Variants in GZMA observed in about 807,000 individuals in gnomAD.
GZMA encodes the protein granzyme A.
In GZMA, 17 loss-of-function variants were observed where a neutral mutation model predicts 21.1. That is an observed-to-expected ratio of 0.81 (90% CI 0.55 to 1.21). GZMA has a LOEUF of 1.21. GZMA is among the 50% of genes most tolerant of loss of function. The pLI is 0.00. For missense variants in GZMA, 306 were observed against 315.9 expected (o/e 0.97, Z 0.24); for synonymous variants, 90 against 107.8 (o/e 0.83, Z 1.03).
At chr5:55,109,728 C>T (rs1336697195) in intron 4 of GZMA, among the ~76,000 whole-genome samples, 2 of 152,258 alleles carry the variant, frequency 1.3e-5, no homozygotes, top group South Asian at 2.1e-4. Flanking sequence ...TTTGAGAAAA[C>T]GACAAATAAA....
chr5:55,109,996 C>T (rs746926126), intron 4 of GZMA, 25 bp from the exon 5 acceptor site: 2 of 1,566,640 alleles, frequency 1.3e-6, no homozygotes, highest in Admixed American at 3.8e-5. Context: ...TGACCCCACA[C>T]CCTACCCCTC....
At chr5:55,107,153 T>C (rs1427675188) in intron 2 of GZMA, among the ~76,000 whole-genome samples, 2 of 152,154 alleles carry the variant, frequency 1.3e-5, no homozygotes, top group African/African-American at 2.4e-5. Flanking sequence ...TTATGAATGA[T>C]AGCCTTAATC....
In GZMA at chr5:55,105,678, A is replaced by C. The variant is rs1204971456; in HGVS notation, c.215+60A>C. 6 of 1,467,672 alleles carry C rather than the reference A, an allele frequency of 4.1e-6. No individual in the cohort carries two copies. The African/African-American group carries it at 8.4e-5, about 20-fold the overall frequency. 90.9% of individuals were successfully genotyped at this position (1,467,672 alleles called of 1,614,324 possible). A position where few individuals can be genotyped will look rare whatever the true frequency, so the allele number is the denominator to read the frequency against. ...AGATACTCTAATTTGGGGAAACATT[A>C]ATAAAAAGAGTAGGCCGGGCACAGT... On this transcript the variant is annotated intron_variant, in intron 2 of 4. Transcript: ENST00000274306.
Position 55,108,227 on chromosome 5 carries a change from G to C in GZMA, c.460G>C (p.Gly154Arg). The change falls in exon 4 of 5, where the codon GGC (glycine) becomes CGC (arginine). Residue 154 changes from glycine to arginine, a missense_variant. Transcript: ENST00000274306. ...PGTMCQVAGW[G>R]RTHNSASWSD... ...AACCATGTGCCAAGTTGCAGGGTGG[G>C]GCAGGACTCACAATAGTGCATCTTG... 6.2e-7 allele frequency: 1 copy of C among 1,613,750 alleles called. No individual in the cohort carries two copies. The highest frequency in any genetic ancestry group is 8.5e-7 in the Non-Finnish European group (1 of 1,179,748).
In GZMA at chr5:55,106,190, T is replaced by C. The variant is rs868779526; in HGVS notation, c.215+572T>C. On this transcript the variant is annotated intron_variant, in intron 2 of 4. Transcript: ENST00000274306. ...AATAAAATAAAATAAAAAAATAAAA[T>C]AAAATAAAATAAAATAAAATAAAAT... is the stretch of plus-strand genomic sequence containing the variant. Among the ~76,000 whole-genome samples the C allele has an allele frequency of 4.9e-3, 4 of 816 alleles. 2 individuals carry two copies. Among genetic ancestry groups the C allele is most frequent in the African/African-American group, 0.011 (4 of 368 alleles). 0.5% of individuals were successfully genotyped at this position (816 alleles called of 152,430 possible).
chr5:55,108,278 A>G lies in GZMA; in HGVS notation c.511A>G (p.Ile171Val). Residue 171 changes from isoleucine (I) to valine (V), a missense_variant, in exon 4 of 5, where the codon ATC becomes GTC. By Grantham distance (29) the Ile-to-Val change is conservative (BLOSUM62 3). Transcript: ENST00000274306. ...GTCCGATACTCTGAGAGAAGTCAAT[A>G]TCACCATCATAGACAGAAAAGTCTG... Reference protein sequence around the residue: ...SWSDTLREVNITIIDRKVCND... With the variant: ...SWSDTLREVNVTIIDRKVCND... 1 of 1,613,838 alleles carries G rather than the reference A, an allele frequency of 6.2e-7. No individual in the cohort carries two copies. The highest frequency in any genetic ancestry group is 8.5e-7 in the Non-Finnish European group (1 of 1,179,754).
intron 4 of GZMA, among the ~76,000 whole-genome samples, chr5:55,109,176 C>T (rs780049016): frequency 1.3e-5 from 2 of 152,140 alleles, no homozygotes; most frequent in Non-Finnish European, 2.9e-5. Context: ...GTCTTGCTTT[C>T]AGAACCAAAG....
At position 55,102,721 on chromosome 5, in the gene GZMA, A is replaced by G; in HGVS notation, c.39A>G (p.Ser13=). 1 of 1,609,976 alleles carries G rather than the reference A, an allele frequency of 6.2e-7. No homozygotes were observed. The highest frequency in any genetic ancestry group is 8.5e-7 in the Non-Finnish European group (1 of 1,176,214). ...NSYRFLASSL[S]VVVSLLLIPE... ...ATAGATTTCTGGCATCCTCTCTCTC[A>G]GTTGTCGTTTCTCTCCTGCTAATTC... is the stretch of plus-strand genomic sequence containing the variant. The change falls in exon 1 of 5, where the codon TCA becomes TCG. Residue 13 remains serine, a synonymous_variant. Transcript: ENST00000274306.
intron 4 of GZMA, 72 bp from the exon 5 acceptor site, chr5:55,109,949 G>A: frequency 8.6e-7 from 1 of 1,157,626 alleles, no homozygotes; most frequent in Non-Finnish European, 1.2e-6. Flanking sequence ...AAATGCTGCA[G>A]AATTTCTTCC....
chr5:55,104,249 T>C (rs545429956), intron 1 of GZMA, among the ~76,000 whole-genome samples: 2 of 152,314 alleles, frequency 1.3e-5, no homozygotes, highest in South Asian at 4.1e-4. Flanking sequence ...GAGGGCAGTG[T>C]GGGCCCATAT....
At chr5:55,108,677 T>C (rs1021301037) in intron 4 of GZMA, among the ~76,000 whole-genome samples, 2 of 152,230 alleles carry the variant, frequency 1.3e-5, no homozygotes, top group African/African-American at 2.4e-5. Flanking sequence ...TCATTTTTCA[T>C]GTTAACATAC....
intron 4 of GZMA, 88 bp from the exon 5 acceptor site, chr5:55,109,933 C>A: frequency 1.1e-6 from 1 of 919,072 alleles, no homozygotes; most frequent in Non-Finnish European, 1.5e-6. Flanking sequence ...GTCTTAACTG[C>A]ATATTAAATG....
intron 4 of GZMA, among the ~76,000 whole-genome samples, chr5:55,108,708 A>G (rs1742455552): frequency 1.3e-5 from 2 of 152,330 alleles, no homozygotes; most frequent in South Asian, 4.1e-4. Flanking sequence ...ACTTGAAGAT[A>G]TACAACACTT....
chr5:55,110,107 T>G lies in GZMA; in HGVS notation c.714T>G (p.Arg238=), dbSNP rs1319785595. ...TTGAAAATAAATGCGGAGACCCTCG[T>G]GGGCCTGGTGTCTATATTCTTCTCT... ...FGLENKCGDP[R]GPGVYILLSK... is the part of the protein sequence containing the mutation. Residue 238 remains arginine (R), a synonymous_variant, in exon 5 of 5, where the codon CGT becomes CGG. Coordinates refer to ENST00000274306, the MANE Select transcript of GZMA (RefSeq NM_006144.4). 1 of 1,612,264 alleles carries G rather than the reference T, an allele frequency of 6.2e-7. No individual in the cohort carries two copies. The highest frequency in any genetic ancestry group is 8.5e-7 in the Non-Finnish European group (1 of 1,178,704).
chr5:55,105,332 A>T, intron 1 of GZMA, 142 bp from the exon 2 acceptor site: 1 of 666,078 alleles, frequency 1.5e-6, no homozygotes, highest in Non-Finnish European at 2.5e-6. Flanking sequence ...CTGCGGGTCT[A>T]CATAGAGTAA....
rs1742323168 is a variant in GZMA at position 55,102,663 on chromosome 5, G to A, written c.-20G>A. 3 of 1,535,844 alleles carry A rather than the reference G, an allele frequency of 2.0e-6. No homozygotes were observed. In the East Asian group the frequency reaches 6.7e-5, roughly 35 times the overall value. ...CTGAAAACAGATTTTCAGGTTGATT[G>A]ATGTGGGACAGCAGCCACAATGAGG... On this transcript the variant is annotated 5_prime_UTR_variant, in exon 1 of 5. Transcript: ENST00000274306.
At chr5:55,108,685 T>C (rs1742455213) in intron 4 of GZMA, among the ~76,000 whole-genome samples, 1 of 152,224 alleles carries the variant, frequency 6.6e-6, no homozygotes, top group Non-Finnish European at 1.5e-5. Context: ...CATGTTAACA[T>C]ACGTAGATCT....
intron 4 of GZMA, among the ~76,000 whole-genome samples, chr5:55,109,767 C>A (rs1424398001): frequency 6.6e-6 from 1 of 152,152 alleles, no homozygotes; most frequent in Non-Finnish European, 1.5e-5. Flanking sequence ...AAAAGCAGAG[C>A]AATAGTCTCA....
At chr5:55,104,832 A>G (rs893868734) in intron 1 of GZMA, among the ~76,000 whole-genome samples, 2 of 152,140 alleles carry the variant, frequency 1.3e-5, no homozygotes, top group Non-Finnish European at 2.9e-5. Flanking sequence ...TCTCTTCCCT[A>G]TCTCATTGGA....
Sources: allele counts gnomAD v4.1 joint callset (sites outside exome capture counted in the v4.1 genomes callset), GRCh38; gene constraint gnomAD v4.1.1; transcripts MANE v1.5; gene names NCBI Gene and HGNC (gene_info 2026-07-23, HGNC 2026-07-21).